Variants in PCDHGB2 observed in about 807,000 individuals in gnomAD.
The protein encoded by PCDHGB2 is protocadherin gamma-B2.
PCDHGB2 carries 55 observed loss-of-function variants against 59.3 expected under a neutral mutation model. The observed-to-expected ratio is 0.93, with a 90% CI of 0.75 to 1.16. The LOEUF (loss-of-function observed/expected upper bound fraction) is 1.16. Ranked by LOEUF, PCDHGB2 falls within the 50% of genes most tolerant of loss-of-function variation. The pLI, the probability that PCDHGB2 is intolerant of heterozygous loss-of-function variation, is 0.00. For synonymous variants in PCDHGB2, 516 were observed against 512.0 expected (o/e 1.01, Z -0.11); for missense variants, 1,228 against 1,198.5 (o/e 1.02, Z -0.36).
chr5:141,383,198 C>A, intron 1 of PCDHGB2: 1 of 1,614,016 alleles, frequency 6.2e-7, no homozygotes, highest in Non-Finnish European at 8.5e-7. Flanking sequence ...GCTCAGAGTG[C>A]GCGGTGTCTG....
At chr5:141,367,886 C>T (rs976689634) in intron 1 of PCDHGB2, 1 of 151,934 alleles carries the variant, frequency 6.6e-6, no homozygotes, top group Non-Finnish European at 1.5e-5. Context: ...TTCTTTATTA[C>T]TTGAGTTTAA....
intron 1 of PCDHGB2, chr5:141,399,023 C>T: frequency 6.2e-7 from 1 of 1,613,914 alleles, no homozygotes; most frequent in African/African-American, 1.3e-5. Flanking sequence ...GAAATTACCA[C>T]TCAAAAGAAA....
intron 1 of PCDHGB2, chr5:141,388,489 G>A: frequency 6.2e-7 from 1 of 1,613,844 alleles, no homozygotes; most frequent in Non-Finnish European, 8.5e-7. Context: ...CCTTTGGACA[G>A]AGAAAAGCAG....
At chr5:141,444,752 T>C (rs1376810825) in intron 1 of PCDHGB2, among the ~76,000 whole-genome samples, 2 of 152,228 alleles carry the variant, frequency 1.3e-5, no homozygotes, top group Non-Finnish European at 2.9e-5. Context: ...CTGATATATG[T>C]AGTTCTATTT....
intron 1 of PCDHGB2, chr5:141,389,274 C>T (rs183257097): frequency 1.2e-6 from 2 of 1,614,032 alleles, no homozygotes; most frequent in Non-Finnish European, 8.5e-7. Flanking sequence ...CGAGAACAAC[C>T]CGCCTGGAGC....
chr5:141,477,080 A>C lies in PCDHGB2; in HGVS notation c.2422-17727A>C. 1 of 1,614,254 alleles carries C rather than the reference A, an allele frequency of 6.2e-7. No homozygotes were observed. ...GGACACCAAACTCCATGAGATTTAC[A>C]TCCAGGCCAAAGACAAGGGCGCCAA... On this transcript the variant is annotated intron_variant, in intron 1 of 3. Coordinates refer to ENST00000522605, the MANE Select transcript of PCDHGB2 (RefSeq NM_018923.3). This position sits in a 1 kb window ranked among gnomAD's most constrained non-coding sequence, Gnocchi z 4.9.
intron 1 of PCDHGB2, among the ~76,000 whole-genome samples, chr5:141,453,258 T>A (rs1336801456): frequency 1.6e-4 from 25 of 152,096 alleles, no homozygotes; most frequent in Admixed American, 1.6e-3. Flanking sequence ...GGGCTGCAAG[T>A]GCACACCACC....
intron 1 of PCDHGB2, chr5:141,375,036 G>GT (rs747497967): frequency 1.9e-6 from 3 of 1,614,002 alleles, no homozygotes; most frequent in Non-Finnish European, 2.5e-6. Flanking sequence ...TATGAGCTGG[G>GT]TGTTGAAGCC....
chr5:141,474,011 A>T (rs910186122), intron 1 of PCDHGB2, among the ~76,000 whole-genome samples: 2 of 152,112 alleles, frequency 1.3e-5, no homozygotes, highest in Non-Finnish European at 2.9e-5. Flanking sequence ...TGGAAGTTAC[A>T]GTGAGCTATG....
chr5:141,511,144 A>C lies in PCDHGB2; in HGVS notation c.2767A>C (p.Lys923Gln). 2 of 1,614,202 alleles carry C rather than the reference A, an allele frequency of 1.2e-6. No homozygotes were observed. The highest frequency in any genetic ancestry group is 1.7e-6 in the Non-Finnish European group (2 of 1,180,016). The change falls in exon 4 of 4, where the codon AAG becomes CAG. Residue 923 changes from lysine to glutamine, a missense_variant. By Grantham distance (53) the Lys-to-Gln change is moderately conservative. Transcript: ENST00000522605. Reference sequence around the variant, plus strand: ...CCCAGCAGGTGGCAATGGCAACAAGAAGAAGTCGGGCAAGAAGGAGAAGAA... The same window carrying C: ...CCCAGCAGGTGGCAATGGCAACAAGCAGAAGTCGGGCAAGAAGGAGAAGAA... ...KAPAGGNGNK[K>Q]KSGKKEKK
chr5:141,364,652 A>G, intron 1 of PCDHGB2: 1 of 1,614,056 alleles, frequency 6.2e-7, no homozygotes, highest in Non-Finnish European at 8.5e-7. Context: ...GAACTTTAAC[A>G]TCTTGGTTGA....
chr5:141,376,156 G>C, intron 1 of PCDHGB2: 2 of 1,614,074 alleles, frequency 1.2e-6, no homozygotes, highest in South Asian at 1.1e-5. Context: ...ACCTCACTCT[G>C]TACCTGGTGG....
At chr5:141,389,620 C>T (rs1447057180) in intron 1 of PCDHGB2, 1 of 1,613,032 alleles carries the variant, frequency 6.2e-7, no homozygotes, top group African/African-American at 1.3e-5. Context: ...GTGCCGCACG[C>T]TGCAGAGCCT....
In PCDHGB2 at chr5:141,361,416, G is replaced by A. The variant is rs1464562844; in HGVS notation, c.1281G>A (p.Gly427=). 1.2e-6 allele frequency: 2 copies of A among 1,613,876 alleles called. No individual in the cohort carries two copies. Among genetic ancestry groups the A allele is most frequent in the Admixed American group, 1.7e-5 (1 of 60,002 alleles). ...ATCTCACCATCACAGCCACCGACGG[G>A]GGCAAGCCGCCCCTCTCCTCCAGCA... The part of the protein sequence containing the change: ...EYNLTITATD[G]GKPPLSSSII... The change falls in exon 1 of 4, where the codon GGG becomes GGA. Residue 427 remains glycine (G), a synonymous_variant. Transcript: ENST00000522605.
In PCDHGB2 at chr5:141,475,977, A is replaced by G. The variant is rs369460464; in HGVS notation, c.2422-18830A>G. The stretch of plus-strand genomic sequence containing the variant: ...CCCCGGGATGAGGCAGAGACTGAAC[A>G]GCCGGCGAGCAAATCAACGGCATCC... On this transcript the variant is annotated intron_variant, in intron 1 of 3. Transcript: ENST00000522605. The G allele has an allele frequency of 2.2e-5, 21 of 972,826 alleles. No individual in the cohort carries two copies. The South Asian group carries it at 2.8e-4, about 13-fold the overall frequency. 60.3% of individuals were successfully genotyped at this position (972,826 alleles called of 1,614,324 possible).
intron 1 of PCDHGB2, among the ~76,000 whole-genome samples, chr5:141,452,689 C>G (rs1198702467): frequency 6.6e-6 from 1 of 151,562 alleles, no homozygotes; most frequent in Non-Finnish European, 1.5e-5. Context: ...AGAATGAAAC[C>G]CTGTCAAGAA....
intron 1 of PCDHGB2, among the ~76,000 whole-genome samples, chr5:141,381,798 C>CTCTTCCTTTCTT (rs1777449069): frequency 6.9e-6 from 1 of 144,134 alleles, no homozygotes; most frequent in African/African-American, 2.7e-5. Flanking sequence ...AGGCAATTCC[C>CTCTTCCTTTCTT]TCTTTCTTTC....
chr5:141,445,708 G>A (rs2098475030), intron 1 of PCDHGB2, among the ~76,000 whole-genome samples: 1 of 152,168 alleles, frequency 6.6e-6, no homozygotes, highest in African/African-American at 2.4e-5. Flanking sequence ...AAATTGTCAG[G>A]CAGAGGAAAT....
chr5:141,477,223 T>C lies in PCDHGB2; in HGVS notation c.2422-17584T>C. The C allele has an allele frequency of 6.2e-7, 1 of 1,614,198 alleles. No homozygotes were observed. On this transcript the variant is annotated intron_variant, in intron 1 of 3. Coordinates refer to ENST00000522605, the MANE Select transcript of PCDHGB2 (RefSeq NM_018923.3). This position sits in a 1 kb window ranked among gnomAD's most constrained non-coding sequence, Gnocchi z 4.9. ...TACCCGAGGATGCCCCTCTGGGGAC[T>C]GTCATCGCTTTGCTCAGTGTGACTG... is the stretch of plus-strand genomic sequence containing the variant.
Sources: allele counts gnomAD v4.1 joint callset (sites outside exome capture counted in the v4.1 genomes callset), GRCh38; gene constraint gnomAD v4.1.1; non-coding constraint Gnocchi (gnomAD v3.1); transcripts MANE v1.5; gene names NCBI Gene and HGNC (gene_info 2026-07-23, HGNC 2026-07-21).